Variants in TTI1 observed in about 807,000 individuals in gnomAD.
TTI1 encodes the protein TELO2 interacting protein 1.
TTI1 carries 52 observed loss-of-function variants against 85.4 expected under a neutral mutation model. That is an observed-to-expected ratio of 0.61 (90% CI 0.49 to 0.77). The LOEUF (loss-of-function observed/expected upper bound fraction) is 0.77. TTI1 is among the 30% of genes least tolerant of loss of function. The pLI, the probability that TTI1 is intolerant of heterozygous loss-of-function variation, is 0.00. For missense variants in TTI1, 1,173 were observed against 1,296.0 expected, an observed-to-expected ratio of 0.91 and a Z score of 1.46; for synonymous variants, 512 against 503.9, an observed-to-expected ratio of 1.02 and a Z score of -0.22.
At chr20:37,999,914 T>C (rs1238418912) in intron 4 of TTI1, among the ~76,000 whole-genome samples, 2 of 152,204 alleles carry the variant, frequency 1.3e-5, no homozygotes, top group African/African-American at 4.8e-5. Context: ...CAAAGTGTTT[T>C]AAGCAGGAAA....
intron 1 of TTI1, among the ~76,000 whole-genome samples, chr20:38,019,922 C>T (rs892868062): frequency 3.9e-5 from 6 of 152,136 alleles, no homozygotes; most frequent in South Asian, 4.1e-4. Context: ...GATGTCCTGT[C>T]AAGGACAAAA....
chr20:38,001,497 C>A (rs558762952), intron 4 of TTI1, among the ~76,000 whole-genome samples: 3 of 152,276 alleles, frequency 2.0e-5, no homozygotes, highest in Admixed American at 1.3e-4. Flanking sequence ...ATGTATCAGC[C>A]AGGCACCTAC....
At chr20:38,027,518 G>T (rs1185781549) in intron 1 of TTI1, among the ~76,000 whole-genome samples, 1 of 152,088 alleles carries the variant, frequency 6.6e-6, no homozygotes, top group Non-Finnish European at 1.5e-5. Context: ...GCCTACTGTT[G>T]ACTGGAAACC....
intron 7 of TTI1, among the ~76,000 whole-genome samples, chr20:37,989,676 G>C (rs1568607727): frequency 1.3e-5 from 2 of 152,218 alleles, no homozygotes; most frequent in Non-Finnish European, 2.9e-5. Flanking sequence ...CTTTCCCCCA[G>C]CTGGCTGCAC....
Position 38,026,047 on chromosome 20 carries a change from G to A in TTI1, c.-42+7357C>T, listed in dbSNP as rs77704213. On this transcript the variant is annotated intron_variant, in intron 1 of 7. Coordinates refer to ENST00000373447, the MANE Select transcript of TTI1 (RefSeq NM_001303457.2). Reference sequence around the variant, plus strand: ...ACATAAATCTATATATCAAGAAGCTGAGTGAACCCCAAAGAAATTTATCCC... The same window carrying A: ...ACATAAATCTATATATCAAGAAGCTAAGTGAACCCCAAAGAAATTTATCCC... Among the ~76,000 whole-genome samples the A allele has an allele frequency of 1.2e-3, 185 of 152,320 alleles. 1 individual carries two copies. The East Asian group carries it at 0.033, about 27-fold the overall frequency.
At chr20:38,017,404 TTGTGTG>T (rs66542554) in intron 1 of TTI1, among the ~76,000 whole-genome samples, 45 of 146,144 alleles carry the variant, frequency 3.1e-4, no homozygotes, top group Admixed American at 9.5e-4. Context: ...AATCAATAGC[TTGTGTG>T]TGTGTGTGTG....
At chr20:38,004,092 G>C (rs2073463567) in intron 3 of TTI1, among the ~76,000 whole-genome samples, 1 of 152,174 alleles carries the variant, frequency 6.6e-6, no homozygotes, top group Non-Finnish European at 1.5e-5. Flanking sequence ...TGGAAAAAAA[G>C]GGATAGAGCA....
intron 7 of TTI1, among the ~76,000 whole-genome samples, chr20:37,994,031 T>C (rs1025601295): frequency 3.9e-5 from 6 of 152,130 alleles, no homozygotes; most frequent in Admixed American, 3.9e-4. Flanking sequence ...CTTTTGGTCA[T>C]GGATGTAGGG....
chr20:37,986,213 C>G (rs2073188438), intron 7 of TTI1, among the ~76,000 whole-genome samples: 2 of 152,164 alleles, frequency 1.3e-5, no homozygotes, highest in Admixed American at 1.3e-4. Context: ...CTCCCAGCTT[C>G]AAGGAATATT....
At chr20:38,032,124 C>T (rs116455299) in intron 1 of TTI1, among the ~76,000 whole-genome samples, 2,367 of 152,274 alleles carry the variant, frequency 0.016, 56 homozygotes, top group African/African-American at 0.055. Flanking sequence ...CCCCTTCCCT[C>T]AAGTCTTAGT....
chr20:38,002,595 T>C, intron 4 of TTI1, 33 bp downstream of exon 4: 1 of 1,610,224 alleles, frequency 6.2e-7, no homozygotes, highest in East Asian at 2.2e-5. Context: ...GTCCTGCTAC[T>C]CTGGGAATGC....
rs150284997 is a variant in TTI1, at chr20:37,991,243, G to C, written c.3086+5132C>G. Among the ~76,000 whole-genome samples the C allele has an allele frequency of 2.8e-4, 43 of 152,306 alleles. 2 individuals carry two copies. The East Asian group carries it at 8.3e-3, about 29-fold the overall frequency. ...TAGGTGTGTCCTCATTTCCATGCTGGGTGCAATCCAAGGGGGAACAGCTTT... is the reference window on the plus strand; with the variant it reads ...TAGGTGTGTCCTCATTTCCATGCTGCGTGCAATCCAAGGGGGAACAGCTTT... On this transcript the variant is annotated intron_variant, in intron 7 of 7. Transcript: ENST00000373447.
chr20:38,007,760 C>T (rs1328865974), intron 2 of TTI1, among the ~76,000 whole-genome samples: 3 of 152,226 alleles, frequency 2.0e-5, no homozygotes, highest in Non-Finnish European at 2.9e-5. Flanking sequence ...TGGGAGATGA[C>T]AGGGCCAGGC....
chr20:37,996,527 A>AG, intron 6 of TTI1, 65 bp from the exon 7 acceptor site: 1 of 1,579,814 alleles, frequency 6.3e-7, no homozygotes, highest in Non-Finnish European at 8.7e-7. Context: ...GCAGTGACCA[A>AG]CTGTGTCTGG....
In TTI1 at chr20:37,993,592, C is replaced by A. The variant is rs559978080; in HGVS notation, c.3086+2783G>T. On this transcript the variant is annotated intron_variant, in intron 7 of 7. Coordinates refer to ENST00000373447, the MANE Select transcript of TTI1 (RefSeq NM_001303457.2). Reference sequence around the variant, plus strand: ...TAAGCCCACCTGCCAGAGGGGCCCACAGACATGGCTGTTCTACAGGGCTGG... The same window carrying A: ...TAAGCCCACCTGCCAGAGGGGCCCAAAGACATGGCTGTTCTACAGGGCTGG... Among the ~76,000 whole-genome samples the A allele has an allele frequency of 6.6e-5, 10 of 152,296 alleles. No homozygotes were observed. In the South Asian group the frequency reaches 1.5e-3, roughly 22 times the overall value.
At chr20:37,993,465 G>A (rs751774642) in intron 7 of TTI1, among the ~76,000 whole-genome samples, 17 of 152,108 alleles carry the variant, frequency 1.1e-4, no homozygotes, top group Non-Finnish European at 2.5e-4. Flanking sequence ...AAGCAAATGG[G>A]AGCAAGGAAA....
intron 7 of TTI1, among the ~76,000 whole-genome samples, chr20:37,993,854 G>T (rs1360989344): frequency 6.6e-6 from 1 of 152,224 alleles, no homozygotes; most frequent in Non-Finnish European, 1.5e-5. Context: ...GTGTGTAAGT[G>T]TGTCACTCTG....
intron 4 of TTI1, 66 bp downstream of exon 4, chr20:38,002,556 GTAGCCA>G (rs2073440347): frequency 6.3e-7 from 1 of 1,583,626 alleles, no homozygotes; most frequent in Non-Finnish European, 8.6e-7. Context: ...GCTCATCCGT[GTAGCCA>G]CTGCCAACCA....
chr20:38,021,866 G>A (rs538978363), intron 1 of TTI1, among the ~76,000 whole-genome samples: 2 of 152,326 alleles, frequency 1.3e-5, no homozygotes, highest in South Asian at 4.1e-4. Context: ...ATCTGTACAG[G>A]AGACGGTGTT....
Sources: gnomAD v4.1 joint callset for allele counts (sites outside exome capture counted in the v4.1 genomes callset) on GRCh38, gnomAD v4.1.1 for gene constraint, MANE v1.5 for transcripts, NCBI Gene and HGNC (gene_info 2026-07-23, HGNC 2026-07-21) for gene names.